Variants in NUP93 observed in about 807,000 individuals in gnomAD.
NUP93 encodes the protein nuclear pore complex protein Nup93.
NUP93 carries 55 observed loss-of-function variants against 107.8 expected under a neutral mutation model. The ratio of observed to expected loss-of-function variants is 0.51; its 90% CI spans 0.41 to 0.64. The LOEUF is 0.64. Ranked by LOEUF, NUP93 falls within the 30% of genes least tolerant of loss-of-function variation. NUP93 has a pLI of 0.00. For synonymous variants in NUP93, 390 were observed against 397.5 expected (o/e 0.98, Z 0.22); for missense variants, 937 against 1,044.7 (o/e 0.90, Z 1.42).
chr16:56,736,573 A>G (rs1166280547), intron 1 of NUP93, among the ~76,000 whole-genome samples: 1 of 152,160 alleles, frequency 6.6e-6, no homozygotes, highest in South Asian at 2.1e-4. Flanking sequence ...CAGAGATGCA[A>G]AGGAACAGGG....
Position 56,834,226 on chromosome 16 carries a change from G to C in NUP93, c.1636G>C (p.Glu546Gln). 6.2e-7 allele frequency: 1 copy of C among 1,614,182 alleles called. No individual in the cohort carries two copies. Among genetic ancestry groups the C allele is most frequent in the Non-Finnish European group, 8.5e-7 (1 of 1,180,024 alleles). ...GAAGTTTGAGTCCACGGACCCAAGG[G>C]AGGCCCTCCAGTACTTCTATTTCCT... ...TRKFESTDPR[E>Q]ALQYFYFLRD... Residue 546 changes from glutamate to glutamine, a missense_variant, in exon 14 of 22, where the codon GAG becomes CAG. Physicochemically the swap from Glu to Gln is conservative, Grantham distance 29. Transcript: ENST00000308159.
chr16:56,844,553 C>A lies in NUP93; in HGVS notation c.2404C>A (p.Arg802=). 1 of 1,576,440 alleles carries A rather than the reference C, an allele frequency of 6.3e-7. No individual in the cohort carries two copies. The highest frequency in any genetic ancestry group is 8.6e-7 in the Non-Finnish European group (1 of 1,161,578). ...TACCTTTGCTGGAATGATACCATAC[C>A]GAACGTCTGGGGACACCAATGCGAG... The part of the protein sequence containing the change: ...LITFAGMIPY[R]TSGDTNARLV... The change falls in exon 22 of 22, where the codon CGA becomes AGA. Residue 802 remains arginine (R), a synonymous_variant. Transcript: ENST00000308159.
intron 9 of NUP93, among the ~76,000 whole-genome samples, chr16:56,830,182 A>G (rs755290875): frequency 1.5e-4 from 23 of 152,330 alleles, no homozygotes; most frequent in Middle Eastern, 3.4e-3. Flanking sequence ...GCATGTGTGT[A>G]TATTATCACA....
At position 56,815,005 on chromosome 16, in the gene NUP93, C is replaced by T. The variant is rs146266988; in HGVS notation, c.490-3659C>T. Among the ~76,000 whole-genome samples, 298 of 152,300 alleles carry T rather than the reference C, an allele frequency of 2.0e-3. 1 individual carries two copies. Among genetic ancestry groups the T allele is most frequent in the Non-Finnish European group, 3.6e-3 (244 of 68,028 alleles). Reference sequence around the variant, plus strand: ...ATTGACTTTATGTGCGGGGAAATAGCGGCTTGGTCAAGGGCAACTGAAGGA... The same window carrying T: ...ATTGACTTTATGTGCGGGGAAATAGTGGCTTGGTCAAGGGCAACTGAAGGA... On this transcript the variant is annotated intron_variant, in intron 5 of 21. Coordinates refer to ENST00000308159, the MANE Select transcript of NUP93 (RefSeq NM_014669.5).
intron 1 of NUP93, among the ~76,000 whole-genome samples, chr16:56,745,447 C>T (rs1349881287): frequency 6.6e-6 from 1 of 152,092 alleles, no homozygotes; most frequent in African/African-American, 2.4e-5. Flanking sequence ...TCACTGGTTG[C>T]TGGGTTGCTA....
chr16:56,735,976 A>T (rs1470131400), intron 1 of NUP93, among the ~76,000 whole-genome samples: 1 of 152,150 alleles, frequency 6.6e-6, no homozygotes, highest in African/African-American at 2.4e-5. Context: ...GGTGGTAGTG[A>T]TGGGGATGAA....
At chr16:56,794,927 C>CAAAAAAAAAAA (rs747651772) in intron 3 of NUP93, among the ~76,000 whole-genome samples, 2 of 71,912 alleles carry the variant, frequency 2.8e-5, no homozygotes, top group African/African-American at 1.2e-4. Context: ...GACTCTGTCT[C>CAAAAAAAAAAA]AAAAAAAAAA....
chr16:56,763,030 C>T (rs1333494554), intron 3 of NUP93, among the ~76,000 whole-genome samples: 2 of 152,198 alleles, frequency 1.3e-5, no homozygotes, highest in Non-Finnish European at 2.9e-5. Flanking sequence ...GTCATATTTA[C>T]AAGGACCAGA....
chr16:56,846,781 G>A lies in NUP93; in HGVS notation c.*2172G>A, dbSNP rs1420660617. ...TTAGTGCTTTGTTTTTCTAATACTA[G>A]ATTTTACTTGCAGATAGAAATATAA... On this transcript the variant is annotated 3_prime_UTR_variant, in exon 22 of 22. Coordinates refer to ENST00000308159, the MANE Select transcript of NUP93 (RefSeq NM_014669.5). 1 of 152,162 alleles carries A rather than the reference G, an allele frequency of 6.6e-6. No individual in the cohort carries two copies. The highest frequency in any genetic ancestry group is 2.4e-5 in the African/African-American group (1 of 41,434). The allele number at this position is 152,162 out of a possible 1,614,324, so 9.4% of individuals were successfully genotyped here.
intron 3 of NUP93, chr16:56,782,169 C>A (rs746435093): frequency 1.0e-6 from 1 of 985,196 alleles, no homozygotes; most frequent in African/African-American, 1.7e-5. Context: ...CTGCAGTGAT[C>A]GACAGCATCG....
At chr16:56,823,923 T>A in intron 8 of NUP93, 77 bp downstream of exon 8, 1 of 1,542,738 alleles carries the variant, frequency 6.5e-7, no homozygotes. Flanking sequence ...TAAGTTGTCC[T>A]CAGGCTAGGT....
rs775403814 is a variant in NUP93 at position 56,823,793 on chromosome 16, C to T, written c.741C>T (p.Ser247=). 8.1e-6 allele frequency: 13 copies of T among 1,614,138 alleles called. No individual in the cohort carries two copies. Among genetic ancestry groups the T allele is most frequent in the East Asian group, 2.2e-5 (1 of 44,886 alleles). The change falls in exon 8 of 22, where the codon AGC becomes AGT. Residue 247 remains serine (S), a synonymous_variant. Transcript: ENST00000308159. Reference sequence around the variant, plus strand: ...CGGATGCCCTGAAGAACCGCAGCAGCGTGGAAGTGCGCATGGAGTTTGTCA... The same window carrying T: ...CGGATGCCCTGAAGAACCGCAGCAGTGTGGAAGTGCGCATGGAGTTTGTCA... The part of the protein sequence containing the change: ...PATDALKNRS[S]VEVRMEFVRQ...
intron 8 of NUP93, among the ~76,000 whole-genome samples, chr16:56,827,783 A>G (rs529587137): frequency 7.9e-5 from 12 of 152,254 alleles, no homozygotes; most frequent in African/African-American, 2.9e-4. Flanking sequence ...TTGAGGGGGG[A>G]AGATTGCTTG....
At chr16:56,834,027 G>T (rs1963857413) in intron 13 of NUP93, 101 bp from the exon 14 acceptor site, 5 of 1,527,438 alleles carry the variant, frequency 3.3e-6, no homozygotes, top group Non-Finnish European at 2.7e-6. Context: ...GGCTGCAGGA[G>T]TAGATGCTGC....
chr16:56,805,818 G>A, intron 5 of NUP93, 186 bp downstream of exon 5: 1 of 614,568 alleles, frequency 1.6e-6, no homozygotes, highest in Non-Finnish European at 2.8e-6. Context: ...CTTCGTCTCA[G>A]TCTCCTTTGC....
intron 20 of NUP93, among the ~76,000 whole-genome samples, chr16:56,840,680 C>T (rs1378025262): frequency 6.6e-6 from 1 of 152,118 alleles, no homozygotes; most frequent in East Asian, 1.9e-4. Flanking sequence ...ACAATTCTTC[C>T]TCATTGAGCA....
At chr16:56,801,154 ACT>A (rs1394366514) in intron 4 of NUP93, among the ~76,000 whole-genome samples, 30 of 151,470 alleles carry the variant, frequency 2.0e-4, no homozygotes, top group Admixed American at 1.8e-3. Flanking sequence ...CTCACCTTAG[ACT>A]CTCATTGCCC....
chr16:56,774,757 T>G (rs185072893), intron 3 of NUP93, among the ~76,000 whole-genome samples: 9 of 152,238 alleles, frequency 5.9e-5, no homozygotes, highest in African/African-American at 2.2e-4. Flanking sequence ...AGGCATGAGG[T>G]GGATGATTTG....
chr16:56,754,515 TG>T (rs1366252913), intron 2 of NUP93, among the ~76,000 whole-genome samples: 4 of 152,160 alleles, frequency 2.6e-5, no homozygotes, highest in African/African-American at 9.7e-5. Flanking sequence ...CAAGATACAA[TG>T]GGGGTACAGG....
Sources: gnomAD v4.1 joint callset for allele counts (sites outside exome capture counted in the v4.1 genomes callset) on GRCh38, gnomAD v4.1.1 for gene constraint, MANE v1.5 for transcripts, NCBI Gene and HGNC (gene_info 2026-07-23, HGNC 2026-07-21) for gene names.